Variants in PKP2 observed in about 807,000 individuals in gnomAD.
The protein encoded by PKP2 is plakophilin-2.
Under a neutral mutation model 83.4 loss-of-function variants are expected in PKP2, and 73 were observed. The observed-to-expected ratio is 0.88, with a 90% CI of 0.72 to 1.06. PKP2 has a LOEUF of 1.06. Ranked by LOEUF, PKP2 falls within the 50% of genes least tolerant of loss-of-function variation. The pLI is 0.00. For synonymous variants in PKP2, 409 were observed against 430.4 expected, an observed-to-expected ratio of 0.95 and a Z score of 0.62; for missense variants, 966 against 1,065.4, an observed-to-expected ratio of 0.91 and a Z score of 1.30.
chr12:32,822,720 AG>A lies in PKP2; in HGVS notation c.1675-90del, dbSNP rs1425584680. ...CAGGACACAGGCTTTAGCTCTTACA[AG>A]GTTTACCAGATGCAACTGGGTGTGC... On this transcript the variant is annotated intron_variant, in intron 7 of 12. Coordinates refer to ENST00000340811, the MANE Select transcript of PKP2 (RefSeq NM_001005242.3). 7.0e-6 allele frequency: 10 copies of A among 1,423,478 alleles called. No individual in the cohort carries two copies. In the African/African-American group the frequency reaches 1.4e-4, roughly 20 times the overall value. The allele number at this position is 1,423,478 out of a possible 1,614,324, so 88.2% of individuals were successfully genotyped here.
At chr12:32,887,568 C>T (rs1187655227) in intron 1 of PKP2, among the ~76,000 whole-genome samples, 1 of 152,196 alleles carries the variant, frequency 6.6e-6, no homozygotes, top group Non-Finnish European at 1.5e-5. Context: ...ATTCTTGTGC[C>T]TCAGCCTTCC....
chr12:32,815,058 C>T (rs1007231385), intron 9 of PKP2, among the ~76,000 whole-genome samples: 1 of 152,066 alleles, frequency 6.6e-6, no homozygotes, highest in Non-Finnish European at 1.5e-5. Context: ...CCAAATATTG[C>T]TAGGGCGAAC....
intron 5 of PKP2, among the ~76,000 whole-genome samples, chr12:32,847,701 A>T (rs1277873948): frequency 6.6e-6 from 1 of 152,180 alleles, no homozygotes; most frequent in African/African-American, 2.4e-5. Context: ...AATAACTTTC[A>T]TCCTCTTTCA....
At chr12:32,800,547 C>T (rs2137720888) in intron 10 of PKP2, among the ~76,000 whole-genome samples, 1 of 152,340 alleles carries the variant, frequency 6.6e-6, no homozygotes, top group African/African-American at 2.4e-5. Flanking sequence ...GGTTCTGCTA[C>T]TTTACAGCTC....
chr12:32,852,805 C>T (rs115481980), intron 4 of PKP2, among the ~76,000 whole-genome samples: 2,153 of 152,028 alleles, frequency 0.014, 44 homozygotes, highest in African/African-American at 0.049. Flanking sequence ...CTTAGCTGGC[C>T]GGGCACGGTG....
At chr12:32,849,473 C>T (rs1024540904) in intron 5 of PKP2, among the ~76,000 whole-genome samples, 2 of 152,200 alleles carry the variant, frequency 1.3e-5, no homozygotes, top group African/African-American at 4.8e-5. Flanking sequence ...CCTGCCTTGG[C>T]CTCCCAAAGT....
chr12:32,828,766 T>C (rs998833526), intron 6 of PKP2, among the ~76,000 whole-genome samples: 8 of 152,146 alleles, frequency 5.3e-5, no homozygotes, highest in African/African-American at 1.9e-4. Flanking sequence ...GTACAGTGTG[T>C]GGTCAGCTGG....
intron 9 of PKP2, among the ~76,000 whole-genome samples, chr12:32,814,231 T>C (rs558014644): frequency 1.3e-5 from 2 of 152,212 alleles, no homozygotes; most frequent in Non-Finnish European, 2.9e-5. Flanking sequence ...TATTCTTTCC[T>C]CAACATTTGC....
At chr12:32,859,393 G>A (rs1331654174) in intron 4 of PKP2, among the ~76,000 whole-genome samples, 2 of 152,068 alleles carry the variant, frequency 1.3e-5, no homozygotes, top group East Asian at 3.8e-4. Flanking sequence ...CATGCAAGAT[G>A]ATGATAAATT....
At chr12:32,877,533 T>C (rs558276853) in intron 3 of PKP2, among the ~76,000 whole-genome samples, 1 of 152,328 alleles carries the variant, frequency 6.6e-6, no homozygotes, top group South Asian at 2.1e-4. Flanking sequence ...ATTCTTGGCC[T>C]ACTTTGGAGT....
At chr12:32,839,374 CTT>C (rs758561343) in intron 6 of PKP2, among the ~76,000 whole-genome samples, 7 of 130,192 alleles carry the variant, frequency 5.4e-5, no homozygotes, top group Admixed American at 1.6e-4. Context: ...AAGATGTGCA[CTT>C]TTTTTTTTTT....
chr12:32,871,347 G>A (rs945789777), intron 3 of PKP2, among the ~76,000 whole-genome samples: 1 of 152,066 alleles, frequency 6.6e-6, no homozygotes, highest in South Asian at 2.1e-4. Flanking sequence ...AGGTGTGAGA[G>A]TGCAGTGATG....
chr12:32,798,488 G>A (rs1465553403), intron 10 of PKP2, among the ~76,000 whole-genome samples: 1 of 136,358 alleles, frequency 7.3e-6, no homozygotes. Context: ...TTTTTTTTTT[G>A]TACTAACAAG....
intron 1 of PKP2, among the ~76,000 whole-genome samples, chr12:32,888,298 C>T (rs1488989225): frequency 6.6e-6 from 1 of 152,082 alleles, no homozygotes; most frequent in Non-Finnish European, 1.5e-5. Context: ...ACTTCCATGG[C>T]AAATATCACA....
At chr12:32,819,254 G>A in intron 9 of PKP2, among the ~76,000 whole-genome samples, 1 of 151,122 alleles carries the variant, frequency 6.6e-6, no homozygotes, top group East Asian at 1.9e-4. Context: ...TTCCAGCCTG[G>A]GCAACAGAGT....
At chr12:32,872,827 C>T (rs901039851) in intron 3 of PKP2, among the ~76,000 whole-genome samples, 3 of 151,628 alleles carry the variant, frequency 2.0e-5, no homozygotes, top group Non-Finnish European at 1.5e-5. Flanking sequence ...AGAGAGACAG[C>T]GTTGAGGGCA....
chr12:32,872,655 T>C (rs1398362147), intron 3 of PKP2, among the ~76,000 whole-genome samples: 6 of 152,080 alleles, frequency 3.9e-5, no homozygotes, highest in East Asian at 1.9e-4. Context: ...TATTAGAATA[T>C]GGCTACACCT....
intron 4 of PKP2, among the ~76,000 whole-genome samples, chr12:32,862,634 A>T (rs1257076288): frequency 1.3e-5 from 2 of 150,520 alleles, no homozygotes; most frequent in Non-Finnish European, 3.0e-5. Context: ...AACAAGAGCG[A>T]AACTCCGTCT....
At chr12:32,865,804 T>A (rs567989557) in intron 4 of PKP2, among the ~76,000 whole-genome samples, 1 of 152,246 alleles carries the variant, frequency 6.6e-6, no homozygotes, top group East Asian at 1.9e-4. Flanking sequence ...TAAAAGTCTT[T>A]GCAACAAATG....
Sources: gnomAD v4.1 joint callset for allele counts (sites outside exome capture counted in the v4.1 genomes callset) on GRCh38, gnomAD v4.1.1 for gene constraint, MANE v1.5 for transcripts, NCBI Gene and HGNC (gene_info 2026-07-23, HGNC 2026-07-21) for gene names.